FER: variants seen among roughly 807,000 people sequenced by gnomAD.
The protein encoded by FER is FER tyrosine kinase, also known as tyrosine-protein kinase Fer.
FER carries 63 observed loss-of-function variants against 111.0 expected under a neutral mutation model. The ratio of observed to expected loss-of-function variants is 0.57; its 90% CI spans 0.46 to 0.70. The LOEUF is 0.70. Among genes scored for constraint, FER ranks in the 30% least tolerant of loss-of-function variants. FER has a pLI of 0.00. For synonymous variants in FER, 327 were observed against 313.9 expected (o/e 1.04, Z -0.44); for missense variants, 914 against 954.0 (o/e 0.96, Z 0.55).
intron 2 of FER, among the ~76,000 whole-genome samples, chr5:108,794,526 A>ACCCCCCCCCCCGCCCC (rs138716410): frequency 9.4e-6 from 1 of 106,354 alleles, no homozygotes; most frequent in African/African-American, 3.8e-5. Flanking sequence ...CCCCCTCCGC[A>ACCCCCCCCCCCGCCCC]CCCCCCCCCC....
At chr5:108,751,754 G>T (rs1207137447) in intron 1 of FER, among the ~76,000 whole-genome samples, 1 of 152,110 alleles carries the variant, frequency 6.6e-6, no homozygotes, top group African/African-American at 2.4e-5. Flanking sequence ...ATTTCGATAG[G>T]ACTCAACGAT....
intron 16 of FER, among the ~76,000 whole-genome samples, chr5:109,065,801 C>T (rs1775021255): frequency 6.6e-6 from 1 of 152,118 alleles, no homozygotes; most frequent in Admixed American, 6.5e-5. Flanking sequence ...TTTGTCCTTT[C>T]CTGTAAAACT....
intron 3 of FER, among the ~76,000 whole-genome samples, chr5:108,811,091 T>G (rs1335253506): frequency 6.6e-6 from 1 of 152,006 alleles, no homozygotes; most frequent in East Asian, 1.9e-4. Flanking sequence ...CCCCACAATC[T>G]ATGTCCAGGA....
rs545458376 is a variant in FER at position 108,991,935 on chromosome 5, G to T, written c.1656+32588G>T. On this transcript the variant is annotated intron_variant, in intron 13 of 19. Transcript: ENST00000281092. ...GGTGTTTCTCGCAGAGGGGGATTTG[G>T]CAGGGTCATAGGACAATAGTGGAGG... 7.6e-3 allele frequency among the ~76,000 whole-genome samples: 1,152 copies of T among 151,252 alleles called. 15 individuals carry two copies. Among genetic ancestry groups the T allele is most frequent in the African/African-American group, 0.026 (1,082 of 41,136 alleles).
At chr5:109,022,614 A>C (rs931917624) in intron 13 of FER, among the ~76,000 whole-genome samples, 1 of 152,158 alleles carries the variant, frequency 6.6e-6, no homozygotes, top group Non-Finnish European at 1.5e-5. Context: ...AAGGCTAATG[A>C]CATAATATAT....
At chr5:108,872,607 T>A (rs1424458057) in intron 8 of FER, among the ~76,000 whole-genome samples, 1 of 152,136 alleles carries the variant, frequency 6.6e-6, no homozygotes, top group Non-Finnish European at 1.5e-5. Flanking sequence ...TACAAAAAAT[T>A]GACTTTTAAT....
intron 13 of FER, among the ~76,000 whole-genome samples, chr5:108,984,534 A>G (rs1762358828): frequency 6.6e-6 from 1 of 151,856 alleles, no homozygotes; most frequent in Admixed American, 6.6e-5. Flanking sequence ...CCCAAACATG[A>G]TGTTGGAGAA....
intron 13 of FER, among the ~76,000 whole-genome samples, chr5:108,970,238 C>T (rs1343445899): frequency 3.3e-5 from 5 of 149,560 alleles, no homozygotes; most frequent in South Asian, 2.1e-4. Flanking sequence ...ATTTTTGAGA[C>T]GGAGTCTCAC....
At chr5:109,040,211 C>T (rs1008925894) in intron 14 of FER, among the ~76,000 whole-genome samples, 1 of 151,986 alleles carries the variant, frequency 6.6e-6, no homozygotes, top group African/African-American at 2.4e-5. Flanking sequence ...GAAAAGAGGT[C>T]TGAGTCAAAA....
At chr5:109,030,740 A>G (rs1436292550) in intron 13 of FER, among the ~76,000 whole-genome samples, 1 of 151,994 alleles carries the variant, frequency 6.6e-6, no homozygotes, top group African/African-American at 2.4e-5. Flanking sequence ...CTGGGACCTT[A>G]TTGTGGTGGG....
intron 14 of FER, among the ~76,000 whole-genome samples, chr5:109,043,317 G>A (rs529626009): frequency 6.6e-6 from 1 of 152,196 alleles, no homozygotes; most frequent in East Asian, 1.9e-4. Context: ...ACAATTGTGG[G>A]TAAAAGACAA....
chr5:108,799,881 C>T (rs1340263900), intron 3 of FER, among the ~76,000 whole-genome samples: 6 of 145,624 alleles, frequency 4.1e-5, no homozygotes, highest in Non-Finnish European at 7.5e-5. Context: ...CTCACTTTCT[C>T]GCCCAGGCTG....
chr5:108,880,821 A>ACC (rs1395150703), intron 8 of FER, among the ~76,000 whole-genome samples: 3 of 152,110 alleles, frequency 2.0e-5, no homozygotes, highest in Non-Finnish European at 4.4e-5. Context: ...TTTTGCTTTA[A>ACC]TATCAAATGC....
At position 109,155,365 on chromosome 5, in the gene FER, T is replaced by C. The variant is rs776161367; in HGVS notation, c.2049-25382T>C. Among the ~76,000 whole-genome samples the C allele has an allele frequency of 9.2e-5, 14 of 152,044 alleles. 1 individual carries two copies. The highest frequency in any genetic ancestry group is 1.5e-4 in the Non-Finnish European group (10 of 67,826). ...GTAAGATGAACATTTTGGGGGTTAGTGTTCAAACTAGGAAGAATAGAGCCG... is the reference window on the plus strand; with the variant it reads ...GTAAGATGAACATTTTGGGGGTTAGCGTTCAAACTAGGAAGAATAGAGCCG... On this transcript the variant is annotated intron_variant, in intron 17 of 19. Transcript: ENST00000281092.
At position 109,194,664 on chromosome 5, in the gene FER, G is replaced by T. The variant is rs1020212612; in HGVS notation, c.*7089G>T. Reference sequence around the variant, plus strand: ...ATCCCAGAAGATCATACCTTCTTTTGAAAGTATAGGACAGATATCAGTGGG... The same window carrying T: ...ATCCCAGAAGATCATACCTTCTTTTTAAAGTATAGGACAGATATCAGTGGG... On this transcript the variant is annotated 3_prime_UTR_variant, in exon 20 of 20. Coordinates refer to ENST00000281092, the MANE Select transcript of FER (RefSeq NM_005246.4). The T allele has an allele frequency of 1.3e-5, 2 of 152,276 alleles. No homozygotes were observed. The highest frequency in any genetic ancestry group is 3.9e-4 in the East Asian group (2 of 5,182). 9.4% of individuals were successfully genotyped at this position (152,276 alleles called of 1,614,324 possible).
intron 5 of FER, among the ~76,000 whole-genome samples, chr5:108,850,298 T>C (rs1244239735): frequency 6.6e-6 from 1 of 152,172 alleles, no homozygotes; most frequent in Non-Finnish European, 1.5e-5. Flanking sequence ...ATATCTATAA[T>C]ATACTTTTCC....
intron 17 of FER, among the ~76,000 whole-genome samples, chr5:109,131,825 G>T (rs1752390845): frequency 6.6e-6 from 1 of 152,010 alleles, no homozygotes; most frequent in African/African-American, 2.4e-5. Context: ...TTAGGTTAAG[G>T]GCCTAGGAAT....
At chr5:108,877,919 T>A (rs1442113904) in intron 8 of FER, among the ~76,000 whole-genome samples, 2 of 152,164 alleles carry the variant, frequency 1.3e-5, no homozygotes, top group Non-Finnish European at 2.9e-5. Context: ...TGTATCTTTT[T>A]TTTTTAGACT....
At chr5:108,776,101 A>G (rs1397169234) in intron 2 of FER, among the ~76,000 whole-genome samples, 2 of 152,210 alleles carry the variant, frequency 1.3e-5, no homozygotes, top group Non-Finnish European at 2.9e-5. Context: ...TTCTGATAAT[A>G]TAACTTGAAC....
Sources: allele counts gnomAD v4.1 joint callset (sites outside exome capture counted in the v4.1 genomes callset), GRCh38; gene constraint gnomAD v4.1.1; transcripts MANE v1.5; gene names NCBI Gene and HGNC (gene_info 2026-07-23, HGNC 2026-07-21).